Variants in ITPR2 observed in about 807,000 individuals in gnomAD.
ITPR2 encodes the protein inositol 1,4,5-trisphosphate-gated calcium channel ITPR2.
In ITPR2, 207 loss-of-function variants were observed where a neutral mutation model predicts 317.1. The ratio of observed to expected loss-of-function variants is 0.65; its 90% confidence interval spans 0.58 to 0.73. The LOEUF (loss-of-function observed/expected upper bound fraction) is 0.73. ITPR2 is among the 30% of genes least tolerant of loss of function. The pLI, the probability that ITPR2 is intolerant of heterozygous loss-of-function variation, is 0.00. For missense variants in ITPR2, 2,613 were observed against 3,284.0 expected (o/e 0.80, Z 4.99); for synonymous variants, 1,156 against 1,149.1 (o/e 1.01, Z -0.12).
rs533251284 is a variant in ITPR2 at position 26,406,689 on chromosome 12, T to C, written c.7399+4631A>G. 2.6e-5 allele frequency: 4 copies of C among 152,290 alleles called. No homozygotes were observed. In the South Asian group the frequency reaches 6.2e-4, roughly 24 times the overall value. The allele number at this position is 152,290 out of a possible 1,614,324, so 9.4% of individuals were successfully genotyped here. ...CTAGGGTTTGCAAGTTAAAATTTAA[T>C]CCTGGTCTTAGACATAGAAGTTATT... On this transcript the variant is annotated intron_variant, in intron 52 of 56. Transcript: ENST00000381340.
intron 32 of ITPR2, among the ~76,000 whole-genome samples, chr12:26,594,424 T>G (rs1945789945): frequency 6.6e-6 from 1 of 151,720 alleles, no homozygotes; most frequent in African/African-American, 2.4e-5. Flanking sequence ...ATCCCTCCTT[T>G]CAGAAAAAGG....
intron 1 of ITPR2, among the ~76,000 whole-genome samples, chr12:26,825,674 T>C: frequency 6.6e-6 from 1 of 152,218 alleles, no homozygotes; most frequent in East Asian, 1.9e-4. Context: ...TGAGCTCTCA[T>C]TGCCAGAGGG....
chr12:26,733,527 G>T (rs1261108191), intron 2 of ITPR2, among the ~76,000 whole-genome samples: 2 of 152,018 alleles, frequency 1.3e-5, no homozygotes, highest in Non-Finnish European at 2.9e-5. Flanking sequence ...AATATACTAT[G>T]TGTATATATA....
At chr12:26,560,811 C>G (rs1944796793) in intron 35 of ITPR2, among the ~76,000 whole-genome samples, 1 of 152,186 alleles carries the variant, frequency 6.6e-6, no homozygotes, top group African/African-American at 2.4e-5. Context: ...CCGTATAACA[C>G]TCATCTACAT....
At chr12:26,576,495 C>A (rs1449368897) in intron 34 of ITPR2, among the ~76,000 whole-genome samples, 1 of 152,122 alleles carries the variant, frequency 6.6e-6, no homozygotes, top group East Asian at 1.9e-4. Flanking sequence ...GTTCTAAAAT[C>A]TTTAGGAGGA....
intron 34 of ITPR2, among the ~76,000 whole-genome samples, chr12:26,563,547 T>C (rs1944874793): frequency 6.7e-6 from 1 of 149,402 alleles, no homozygotes; most frequent in African/African-American, 2.5e-5. Flanking sequence ...AGAACTAGAC[T>C]CCATCTAAAA....
intron 1 of ITPR2, among the ~76,000 whole-genome samples, chr12:26,805,777 A>G (rs539789112): frequency 2.9e-4 from 44 of 151,576 alleles, no homozygotes; most frequent in African/African-American, 1.0e-3. Context: ...CAAGGAAGCT[A>G]ATATGGCTGG....
intron 55 of ITPR2, among the ~76,000 whole-genome samples, chr12:26,385,659 C>G (rs1295305294): frequency 2.6e-5 from 4 of 152,172 alleles, no homozygotes; most frequent in Non-Finnish European, 5.9e-5. Flanking sequence ...ATAAGTGGAC[C>G]ATGTGCCAGT....
intron 43 of ITPR2, among the ~76,000 whole-genome samples, chr12:26,477,379 CAT>C (rs145548713): frequency 0.038 from 5,726 of 151,884 alleles, 114 homozygotes; most frequent in Middle Eastern, 0.1. Context: ...GTATCAGTAA[CAT>C]ATTTTACAGA....
intron 37 of ITPR2, among the ~76,000 whole-genome samples, chr12:26,536,217 C>T (rs1944085514): frequency 6.6e-6 from 1 of 152,096 alleles, no homozygotes; most frequent in Admixed American, 6.5e-5. Flanking sequence ...TTAAATAATC[C>T]AAATAACTCA....
At chr12:26,741,070 C>T (rs527309440) in intron 2 of ITPR2, among the ~76,000 whole-genome samples, 6 of 152,290 alleles carry the variant, frequency 3.9e-5, no homozygotes, top group African/African-American at 1.2e-4. Context: ...TGCTCTTTTC[C>T]GAGGAACTCT....
At chr12:26,641,963 TA>T (rs1234182269) in intron 21 of ITPR2, among the ~76,000 whole-genome samples, 1 of 151,874 alleles carries the variant, frequency 6.6e-6, no homozygotes, top group African/African-American at 2.4e-5. Context: ...AACAGAAAAG[TA>T]AAAGACATTA....
chr12:26,395,679 T>C (rs1447170437), intron 54 of ITPR2, among the ~76,000 whole-genome samples: 1 of 152,168 alleles, frequency 6.6e-6, no homozygotes, highest in African/African-American at 2.4e-5. Context: ...CATTCTCCTG[T>C]ATGGGACTCA....
chr12:26,781,514 G>A (rs1950076492), intron 2 of ITPR2, among the ~76,000 whole-genome samples: 1 of 152,114 alleles, frequency 6.6e-6, no homozygotes, highest in African/African-American at 2.4e-5. Flanking sequence ...ATTTCCGGTT[G>A]TACAAAGGAC....
intron 30 of ITPR2, among the ~76,000 whole-genome samples, chr12:26,597,341 G>C (rs975195069): frequency 1.3e-5 from 2 of 152,182 alleles, no homozygotes; most frequent in South Asian, 4.1e-4. Flanking sequence ...AAAACCAGTT[G>C]AGGCGATGTG....
chr12:26,793,870 A>G (rs559722107), intron 1 of ITPR2, among the ~76,000 whole-genome samples: 1 of 152,320 alleles, frequency 6.6e-6, no homozygotes, highest in East Asian at 1.9e-4. Context: ...AAAAAGGCCA[A>G]GAGAGCCTGC....
Position 26,344,592 on chromosome 12 carries a change from T to C in ITPR2, c.7858-4264A>G, listed in dbSNP as rs377304053. 2.9e-4 allele frequency among the ~76,000 whole-genome samples: 44 copies of C among 152,306 alleles called. 1 individual carries two copies. In the South Asian group the frequency reaches 8.3e-3, roughly 29 times the overall value. The stretch of plus-strand genomic sequence containing the variant: ...TGGCCTCTTGCTTTTGAGGAAACAA[T>C]GGCAGCTCTCAGTGGACCATAGCTG... On this transcript the variant is annotated intron_variant, in intron 55 of 56. Coordinates refer to ENST00000381340, the MANE Select transcript of ITPR2 (RefSeq NM_002223.4).
At chr12:26,545,023 T>C in intron 37 of ITPR2, among the ~76,000 whole-genome samples, 1 of 152,186 alleles carries the variant, frequency 6.6e-6, no homozygotes, top group Non-Finnish European at 1.5e-5. Flanking sequence ...GCATTTTTGT[T>C]CTATTCATTT....
chr12:26,712,229 A>C (rs1329968324), intron 8 of ITPR2, among the ~76,000 whole-genome samples: 2 of 152,224 alleles, frequency 1.3e-5, no homozygotes, highest in African/African-American at 4.8e-5. Flanking sequence ...ATCATAAGGC[A>C]TATCACAATG....
Sources: gnomAD v4.1 joint callset for allele counts (sites outside exome capture counted in the v4.1 genomes callset) on GRCh38, gnomAD v4.1.1 for gene constraint, MANE v1.5 for transcripts, NCBI Gene and HGNC (gene_info 2026-07-23, HGNC 2026-07-21) for gene names.